DRAXIN: variants seen among roughly 807,000 people sequenced by gnomAD.
DRAXIN encodes dorsal repulsive axon guidance protein.
DRAXIN carries 27 observed loss-of-function variants against 33.9 expected under a neutral mutation model. The observed-to-expected ratio is 0.80, with a 90% CI of 0.59 to 1.10. DRAXIN has a LOEUF of 1.10. Among genes scored for constraint, DRAXIN ranks in the 50% least tolerant of loss-of-function variants. The pLI, the probability that DRAXIN is intolerant of heterozygous loss-of-function variation, is 0.00. For missense variants in DRAXIN, 371 were observed against 460.8 expected, an observed-to-expected ratio of 0.81 and a Z score of 1.78; for synonymous variants, 178 against 194.0, an observed-to-expected ratio of 0.92 and a Z score of 0.69.
At position 11,719,636 on chromosome 1, in the gene DRAXIN, A is replaced by G; in HGVS notation, c.990A>G (p.Lys330=). 4 of 1,614,118 alleles carry G rather than the reference A, an allele frequency of 2.5e-6. No homozygotes were observed. Among genetic ancestry groups the G allele is most frequent in the South Asian group, 1.1e-5 (1 of 91,062 alleles). The change falls in exon 7 of 7, where the codon AAA becomes AAG. Residue 330 remains lysine (K), a synonymous_variant. Transcript: ENST00000294485. ...GGAACCGCAGGGTTACACGGAGGAA[A>G]GGGCGCTGTGTGGAGCCCGAGACGG... ...FHRNRRVTRR[K]GRCVEPETAN...
rs113345114 is a variant in DRAXIN at position 11,693,932 on chromosome 1, G to A, written c.-11+2079G>A. Among the ~76,000 whole-genome samples the A allele has an allele frequency of 6.4e-4, 98 of 152,200 alleles. 2 individuals are homozygous for A. Among genetic ancestry groups the A allele is most frequent in the Non-Finnish European group, 8.2e-4 (56 of 68,018 alleles). ...TGCCTCCCAGCATTGTCCCCTCTGC[G>A]TCCCAGGTTGCAGCCACGATGGAGA... On this transcript the variant is annotated intron_variant, in intron 1 of 6. Coordinates refer to ENST00000294485, the MANE Select transcript of DRAXIN (RefSeq NM_198545.4).
chr1:11,691,235 T>G (rs6667330), upstream of DRAXIN, among the ~76,000 whole-genome samples: 31,308 of 150,212 alleles, frequency 0.21, 5,940 homozygotes, highest in African/African-American at 0.51. Context: ...GCCCCTGCCC[T>G]GACAGACGCG....
rs552790950 is a variant in DRAXIN, at chr1:11,715,076, G to A, written c.848-43G>A. ...ACCGAGTGCAGGGCTGCGGGGAGGG[G>A]CGGCTCAGCTTGGCTGACTGCGTGT... On this transcript the variant is annotated intron_variant, in intron 5 of 6. Transcript: ENST00000294485. 162 of 1,607,292 alleles carry A rather than the reference G, an allele frequency of 1.0e-4. No homozygotes were observed. In the South Asian group the frequency reaches 1.7e-3, roughly 17 times the overall value.
intron 1 of DRAXIN, among the ~76,000 whole-genome samples, chr1:11,703,751 T>C (rs1293687502): frequency 6.6e-6 from 1 of 152,032 alleles, no homozygotes; most frequent in African/African-American, 2.4e-5. Flanking sequence ...GCGTGGGTGA[T>C]ATGTGGTTCT....
At position 11,717,232 on chromosome 1, in the gene DRAXIN, G is replaced by A. The variant is rs202031002; in HGVS notation, c.937+2024G>A. ...CGGGAGGCAGAGATTGCAGTGAGCC[G>A]AGATCCTGCCATTGCACTCCAGCCT... is the stretch of plus-strand genomic sequence containing the variant. On this transcript the variant is annotated intron_variant, in intron 6 of 6. Coordinates refer to ENST00000294485, the MANE Select transcript of DRAXIN (RefSeq NM_198545.4). 2.7e-4 allele frequency among the ~76,000 whole-genome samples: 41 copies of A among 152,128 alleles called. No individual in the cohort carries two copies. In the East Asian group the frequency reaches 3.1e-3, roughly 11 times the overall value.
rs1396664521 is a variant in DRAXIN, at chr1:11,706,624, G to A, written c.366G>A (p.Lys122=). 4.4e-6 allele frequency: 7 copies of A among 1,601,310 alleles called. No homozygotes were observed. Among genetic ancestry groups the A allele is most frequent in the Middle Eastern group, 1.7e-4 (1 of 6,048 alleles). ...LLGLALPYPE[K]ENRPPGWERT... is the part of the protein sequence containing the mutation. Reference sequence around the variant, plus strand: ...GACTGGCATTGCCCTACCCCGAGAAGGAGAACCGACCTCCAGGTTGGGAGA... The same window carrying A: ...GACTGGCATTGCCCTACCCCGAGAAAGAGAACCGACCTCCAGGTTGGGAGA... The change falls in exon 2 of 7, where the codon AAG becomes AAA. Residue 122 remains lysine (K), a synonymous_variant. Coordinates refer to ENST00000294485, the MANE Select transcript of DRAXIN (RefSeq NM_198545.4). This position sits in a 1 kb window ranked among gnomAD's most constrained non-coding sequence, Gnocchi z 5.5.
intron 5 of DRAXIN, among the ~76,000 whole-genome samples, chr1:11,714,209 A>T (rs1641539708): frequency 6.6e-6 from 1 of 152,130 alleles, no homozygotes; most frequent in Admixed American, 6.5e-5. Flanking sequence ...TGTCTCAACA[A>T]AACAAAACAA....
Position 11,706,195 on chromosome 1 carries a change from G to A in DRAXIN, c.-10-54G>A. The A allele has an allele frequency of 7.0e-7, 1 of 1,427,438 alleles. No individual in the cohort carries two copies. The highest frequency in any genetic ancestry group is 9.3e-7 in the Non-Finnish European group (1 of 1,075,158). The allele number at this position is 1,427,438 out of a possible 1,614,324, so 88.4% of individuals were successfully genotyped here. ...ACTGGGCTTTAATCATTTGAGTGAG[G>A]GGCAGCAGAGAGAGGCCTGGGGCTG... On this transcript the variant is annotated intron_variant, in intron 1 of 6. Transcript: ENST00000294485. This position sits in a 1 kb window ranked among gnomAD's most constrained non-coding sequence, Gnocchi z 5.5.
chr1:11,718,052 CCATCA>C (rs1335270775), intron 6 of DRAXIN, among the ~76,000 whole-genome samples: 1 of 149,050 alleles, frequency 6.7e-6, no homozygotes, highest in Non-Finnish European at 1.5e-5. Flanking sequence ...GCCTGTAATC[CCATCA>C]CTTTGGGAGG....
At chr1:11,687,359 C>A (rs1007650615), upstream of DRAXIN, among the ~76,000 whole-genome samples, 1 of 152,224 alleles carries the variant, frequency 6.6e-6, no homozygotes, top group Non-Finnish European at 1.5e-5. The surrounding 1 kb of genome is among the most constrained non-coding windows in gnomAD (Gnocchi z 4.1). Context: ...CCTGCCTCAG[C>A]CTCCCGAGTA....
At chr1:11,687,147 C>T (rs952871633), upstream of DRAXIN, among the ~76,000 whole-genome samples, 2 of 152,154 alleles carry the variant, frequency 1.3e-5, no homozygotes, top group Non-Finnish European at 2.9e-5. This position sits in a 1 kb window ranked among gnomAD's most constrained non-coding sequence, Gnocchi z 4.1. Flanking sequence ...CTCACTGAAG[C>T]CTCAACCTCC....
In DRAXIN at chr1:11,706,189, A is replaced by T; in HGVS notation, c.-10-60A>T. The T allele has an allele frequency of 2.8e-6, 4 of 1,411,012 alleles. No individual in the cohort carries two copies. The South Asian group carries it at 6.0e-5, about 21-fold the overall frequency. 87.4% of individuals were successfully genotyped at this position (1,411,012 alleles called of 1,614,324 possible). On this transcript the variant is annotated intron_variant, in intron 1 of 6. Transcript: ENST00000294485. The surrounding 1 kb of genome is among the most constrained non-coding windows in gnomAD (Gnocchi z 5.5). ...AGAAAAACTGGGCTTTAATCATTTGAGTGAGGGGCAGCAGAGAGAGGCCTG... is the reference window on the plus strand; with the variant it reads ...AGAAAAACTGGGCTTTAATCATTTGTGTGAGGGGCAGCAGAGAGAGGCCTG...
intron 1 of DRAXIN, among the ~76,000 whole-genome samples, chr1:11,702,481 CAT>C (rs1442692715): frequency 1.3e-5 from 2 of 151,768 alleles, no homozygotes; most frequent in African/African-American, 4.8e-5. Context: ...CACACCCACA[CAT>C]ATTCATGCTC....
chr1:11,698,189 A>AG (rs1471398659), intron 1 of DRAXIN, among the ~76,000 whole-genome samples: 2 of 152,164 alleles, frequency 1.3e-5, no homozygotes, highest in Non-Finnish European at 2.9e-5. Flanking sequence ...AGGGATCAGG[A>AG]GGGGGGTTAG....
chr1:11,712,889 G>A lies in DRAXIN; in HGVS notation c.847+460G>A, dbSNP rs148940443. The stretch of plus-strand genomic sequence containing the variant: ...CTGCACTCCAGCCTGGGCGACAAGA[G>A]GGAAACTCCATCTCAAAAAAAAAAA... On this transcript the variant is annotated intron_variant, in intron 5 of 6. Transcript: ENST00000294485. Among the ~76,000 whole-genome samples the A allele has an allele frequency of 6.3e-3, 936 of 148,640 alleles. 19 individuals are homozygous for A. The highest frequency in any genetic ancestry group is 0.041 in the Admixed American group (608 of 14,894).
At chr1:11,702,207 C>A (rs1255502587) in intron 1 of DRAXIN, among the ~76,000 whole-genome samples, 1 of 151,232 alleles carries the variant, frequency 6.6e-6, no homozygotes, top group Non-Finnish European at 1.5e-5. Context: ...CACATGCTCA[C>A]ACACACCCAT....
intron 3 of DRAXIN, 35 bp downstream of exon 3, chr1:11,709,500 G>C (rs745601625): frequency 1.4e-5 from 23 of 1,588,278 alleles, no homozygotes; most frequent in Non-Finnish European, 1.8e-5. Context: ...GATCTGGAAG[G>C]GTCCTTGAGC....
rs969743921 is a variant in DRAXIN, at chr1:11,692,740, C to T, written c.-11+887C>T. Among the ~76,000 whole-genome samples the T allele has an allele frequency of 1.3e-5, 2 of 152,176 alleles. No individual in the cohort carries two copies. Among genetic ancestry groups the T allele is most frequent in the Non-Finnish European group, 2.9e-5 (2 of 68,024 alleles). On this transcript the variant is annotated intron_variant, in intron 1 of 6. Transcript: ENST00000294485. The surrounding 1 kb of genome is among the most constrained non-coding windows in gnomAD (Gnocchi z 5.8). ...CGCTGCCCACCTCCCAGCCCAGTGA[C>T]ACACTGGTGTCTGGAACCGGTTCAG... is the stretch of plus-strand genomic sequence containing the variant.
intron 6 of DRAXIN, among the ~76,000 whole-genome samples, chr1:11,716,471 A>G (rs1193127215): frequency 3.3e-5 from 5 of 152,162 alleles, no homozygotes; most frequent in Admixed American, 6.5e-5. Flanking sequence ...GCATTCACAC[A>G]TCTCCTGGAT....
Sources: gnomAD v4.1 joint callset for allele counts (sites outside exome capture counted in the v4.1 genomes callset) on GRCh38, gnomAD v4.1.1 for gene constraint, Gnocchi (gnomAD v3.1) non-coding constraint, MANE v1.5 for transcripts, NCBI Gene and HGNC (gene_info 2026-07-23, HGNC 2026-07-21) for gene names.